The following OR3A2 variants were observed in gnomAD, a reference collection of about 807,000 sequenced individuals.
The protein encoded by OR3A2 is olfactory receptor family 3 subfamily A member 2, also known as olfactory receptor 3A2.
For synonymous variants in OR3A2, 126 were observed against 159.3 expected (o/e 0.79, Z 1.57); for missense variants, 318 against 392.8 (o/e 0.81, Z 1.61).
intron 3 of OR3A2, among the ~76,000 whole-genome samples, chr17:3,300,753 A>C (rs1047794710): frequency 1.6e-4 from 25 of 152,062 alleles, no homozygotes; most frequent in African/African-American, 6.0e-4. Flanking sequence ...CAGGTTTGTT[A>C]CATATGTATA....
intron 2 of OR3A2, among the ~76,000 whole-genome samples, chr17:3,375,384 C>T (rs2049675040): frequency 6.7e-6 from 1 of 149,130 alleles, no homozygotes; most frequent in South Asian, 2.1e-4. Context: ...TTCACTGCAA[C>T]CTTTGCCTCC....
chr17:3,338,993 AGTT>A (rs1208703776), intron 2 of OR3A2, among the ~76,000 whole-genome samples: 1 of 152,112 alleles, frequency 6.6e-6, no homozygotes, highest in Non-Finnish European at 1.5e-5. Flanking sequence ...AACCTTTGTA[AGTT>A]GGATTCCTAG....
At chr17:3,340,093 G>A (rs2150646983) in intron 2 of OR3A2, among the ~76,000 whole-genome samples, 1 of 152,246 alleles carries the variant, frequency 6.6e-6, no homozygotes, top group South Asian at 2.1e-4. Flanking sequence ...ATGGTGGTTT[G>A]TATTTCTGTG....
chr17:3,329,339 C>G (rs2049208534), intron 3 of OR3A2, among the ~76,000 whole-genome samples: 2 of 149,698 alleles, frequency 1.3e-5, no homozygotes, highest in Non-Finnish European at 3.0e-5. Context: ...TCCATCTGGT[C>G]CTGGACTCTT....
Position 3,346,471 on chromosome 17 carries a change from TGCCTATCA to T in OR3A2, c.-178-10353_-178-10346del, listed in dbSNP as rs752147063. Among the ~76,000 whole-genome samples the T allele has an allele frequency of 1.5e-3, 227 of 152,308 alleles. 2 individuals carry two copies. The highest frequency in any genetic ancestry group is 5.7e-4 in the Non-Finnish European group (39 of 68,018). On this transcript the variant is annotated intron_variant, in intron 2 of 4. Coordinates refer to the OR3A2 transcript ENST00000573491. Reference sequence around the variant, plus strand: ...ATGGGAACAGCAGTAGCAGCCACCTTGCCTATCAGCCTATCAGCCGCCTTGCCATCCCC... The same window carrying T: ...ATGGGAACAGCAGTAGCAGCCACCTTGCCTATCAGCCGCCTTGCCATCCCC...
At chr17:3,376,083 T>C (rs2049680857) in intron 2 of OR3A2, among the ~76,000 whole-genome samples, 1 of 152,264 alleles carries the variant, frequency 6.6e-6, no homozygotes, top group Non-Finnish European at 1.5e-5. Context: ...CTGGTCATGC[T>C]AGCAGTTAAG....
intron 3 of OR3A2, among the ~76,000 whole-genome samples, chr17:3,312,315 G>A (rs2049050690): frequency 6.6e-6 from 1 of 152,050 alleles, no homozygotes; most frequent in South Asian, 2.1e-4. Context: ...TCGAGTGTTG[G>A]GTGTGATTTT....
chr17:3,296,129 A>T (rs184048520), intron 3 of OR3A2, among the ~76,000 whole-genome samples: 9 of 152,298 alleles, frequency 5.9e-5, no homozygotes, highest in Non-Finnish European at 1.2e-4. Context: ...AATTCAGCAA[A>T]CTTCAAAAGA....
At chr17:3,303,524 G>A (rs948263835) in intron 3 of OR3A2, among the ~76,000 whole-genome samples, 3 of 151,670 alleles carry the variant, frequency 2.0e-5, no homozygotes, top group Admixed American at 6.6e-5. Flanking sequence ...GACAGATCAC[G>A]AAGCCAAGAG....
intron 2 of OR3A2, among the ~76,000 whole-genome samples, chr17:3,350,496 C>G (rs1015211158): frequency 6.6e-6 from 1 of 152,006 alleles, no homozygotes; most frequent in Non-Finnish European, 1.5e-5. Context: ...GAAGTTGAAT[C>G]TCTGAATAGA....
At chr17:3,345,472 G>A (rs566228910) in intron 2 of OR3A2, among the ~76,000 whole-genome samples, 18 of 151,608 alleles carry the variant, frequency 1.2e-4, no homozygotes, top group South Asian at 2.1e-4. Flanking sequence ...AATAAGAAAC[G>A]AAACAACACA....
chr17:3,360,248 G>A (rs1008094346), intron 2 of OR3A2, among the ~76,000 whole-genome samples: 6 of 135,578 alleles, frequency 4.4e-5, no homozygotes, highest in Middle Eastern at 3.5e-3. Flanking sequence ...CATATCCTTC[G>A]CCCACTTTTT....
At chr17:3,301,550 T>C (rs2048965972) in intron 3 of OR3A2, among the ~76,000 whole-genome samples, 3 of 152,250 alleles carry the variant, frequency 2.0e-5, no homozygotes, top group African/African-American at 7.2e-5. Flanking sequence ...TTTGACTTTT[T>C]CTTGTAAATT....
At chr17:3,335,784 T>G (rs1170904194) in intron 3 of OR3A2, among the ~76,000 whole-genome samples, 1 of 152,176 alleles carries the variant, frequency 6.6e-6, no homozygotes, top group Non-Finnish European at 1.5e-5. Context: ...GAGAACACAT[T>G]CCAGCTTTGT....
intron 3 of OR3A2, among the ~76,000 whole-genome samples, chr17:3,297,503 G>A (rs552086518): frequency 6.6e-6 from 1 of 151,950 alleles, no homozygotes; most frequent in African/African-American, 2.4e-5. Flanking sequence ...TGCTTCCTCT[G>A]TAAAGGTTTT....
chr17:3,277,977 A>T, exon 2 of OR3A2: 1 of 1,596,612 alleles, frequency 6.3e-7, no homozygotes, highest in Non-Finnish European at 8.6e-7. Context: ...CTCTCAGGTC[A>T]GTGATCTCCT....
chr17:3,371,111 C>G (rs1455964597), intron 2 of OR3A2, among the ~76,000 whole-genome samples: 1 of 151,850 alleles, frequency 6.6e-6, no homozygotes, highest in Non-Finnish European at 1.5e-5. Flanking sequence ...CATCATGGCC[C>G]GTTCTCAATG....
At chr17:3,361,457 T>C (rs1438364621) in intron 2 of OR3A2, among the ~76,000 whole-genome samples, 1 of 151,648 alleles carries the variant, frequency 6.6e-6, no homozygotes, top group Admixed American at 6.6e-5. Flanking sequence ...CTATGTTGAA[T>C]AGGAGTGGTG....
At chr17:3,309,485 T>A (rs7224497) in intron 3 of OR3A2, among the ~76,000 whole-genome samples, 1 of 152,000 alleles carries the variant, frequency 6.6e-6, no homozygotes, top group South Asian at 2.1e-4. Flanking sequence ...TGAAACAGCG[T>A]TACTTGGTAT....
Sources: allele counts gnomAD v4.1 joint callset (sites outside exome capture counted in the v4.1 genomes callset), GRCh38; gene constraint gnomAD v4.1.1; transcripts MANE v1.5; gene names NCBI Gene and HGNC (gene_info 2026-07-23, HGNC 2026-07-21).